Variants in GPR158 observed in about 807,000 individuals in gnomAD.
The protein encoded by GPR158 is G protein-coupled receptor 158.
Under a neutral mutation model 78.2 loss-of-function variants are expected in GPR158, and 30 were observed. That is an observed-to-expected ratio of 0.38 (90% confidence interval 0.29 to 0.52). The LOEUF (loss-of-function observed/expected upper bound fraction) is 0.52, where lower values mean the gene tolerates loss of function less well. GPR158 is among the 20% of genes least tolerant of loss of function. GPR158 has a pLI of 0.83. For missense variants in GPR158, 1,463 were observed against 1,523.5 expected, an observed-to-expected ratio of 0.96 and a Z score of 0.66; for synonymous variants, 581 against 591.1, an observed-to-expected ratio of 0.98 and a Z score of 0.25.
rs1255650902 is a variant in GPR158, at chr10:25,517,518, C to T, written c.1405-33458C>T. On this transcript the variant is annotated intron_variant, in intron 5 of 10. Transcript: ENST00000376351. The stretch of plus-strand genomic sequence containing the variant: ...ATATAGGCTGTGGGTTTGTCATAGA[C>T]AGCTCTTATTATTTTGAAATACGTC... 3.3e-3 allele frequency among the ~76,000 whole-genome samples: 494 copies of T among 151,258 alleles called. 1 individual carries two copies. The highest frequency in any genetic ancestry group is 0.011 in the African/African-American group (466 of 40,652).
At chr10:25,503,885 T>G (rs914750817) in intron 5 of GPR158, among the ~76,000 whole-genome samples, 2 of 151,074 alleles carry the variant, frequency 1.3e-5, no homozygotes, top group Non-Finnish European at 2.9e-5. Flanking sequence ...GTTTCAACTC[T>G]ATTTTCACTT....
At chr10:25,356,143 C>G (rs1314351426) in intron 2 of GPR158, among the ~76,000 whole-genome samples, 2 of 152,036 alleles carry the variant, frequency 1.3e-5, no homozygotes, top group Non-Finnish European at 2.9e-5. Context: ...GGAAAATTTT[C>G]TTGACATTTG....
intron 1 of GPR158, among the ~76,000 whole-genome samples, chr10:25,202,416 A>G (rs1852945008): frequency 1.3e-5 from 2 of 151,956 alleles, no homozygotes; most frequent in South Asian, 4.2e-4. Flanking sequence ...CCGCCACCCC[A>G]CAACAGGCCC....
chr10:25,364,460 A>G (rs1415123000), intron 2 of GPR158, among the ~76,000 whole-genome samples: 2 of 151,908 alleles, frequency 1.3e-5, no homozygotes, highest in African/African-American at 4.8e-5. Context: ...AAGTACACAC[A>G]TATGCCTTCT....
intron 2 of GPR158, among the ~76,000 whole-genome samples, chr10:25,233,353 T>G (rs1478754508): frequency 6.6e-6 from 1 of 152,104 alleles, no homozygotes; most frequent in Non-Finnish European, 1.5e-5. Context: ...GTCAGTACAG[T>G]CTTTGTTTTA....
At chr10:25,285,744 G>A (rs1359461131) in intron 2 of GPR158, among the ~76,000 whole-genome samples, 2 of 152,156 alleles carry the variant, frequency 1.3e-5, no homozygotes, top group Non-Finnish European at 2.9e-5. Context: ...CACCTCAGAA[G>A]TAATGCTTTA....
At chr10:25,194,158 C>T (rs1852813428) in intron 1 of GPR158, among the ~76,000 whole-genome samples, 1 of 152,120 alleles carries the variant, frequency 6.6e-6, no homozygotes, top group Admixed American at 6.5e-5. Context: ...CACGTTGCTG[C>T]TTTTTTATGG....
intron 2 of GPR158, among the ~76,000 whole-genome samples, chr10:25,392,493 C>T (rs1834313739): frequency 2.6e-5 from 4 of 152,214 alleles, no homozygotes; most frequent in African/African-American, 9.6e-5. Flanking sequence ...GGCAAAATGA[C>T]ACTCCAAGGA....
intron 4 of GPR158, among the ~76,000 whole-genome samples, chr10:25,462,278 T>C (rs923005977): frequency 7.2e-5 from 11 of 152,196 alleles, no homozygotes; most frequent in Non-Finnish European, 1.2e-4. Context: ...CATGATTTAC[T>C]GGATATTTTA....
intron 3 of GPR158, among the ~76,000 whole-genome samples, chr10:25,407,355 T>C (rs971031364): frequency 6.6e-6 from 1 of 152,222 alleles, no homozygotes; most frequent in Non-Finnish European, 1.5e-5. Flanking sequence ...GGCATTAATA[T>C]TGGGGGGCCC....
intron 2 of GPR158, among the ~76,000 whole-genome samples, chr10:25,351,874 T>A (rs1318752923): frequency 6.6e-6 from 1 of 151,856 alleles, no homozygotes; most frequent in African/African-American, 2.4e-5. Flanking sequence ...ATCCATTAGC[T>A]ATTCTTCCTG....
At chr10:25,288,231 T>TG (rs1440364125) in intron 2 of GPR158, among the ~76,000 whole-genome samples, 1 of 152,226 alleles carries the variant, frequency 6.6e-6, no homozygotes, top group East Asian at 1.9e-4. Context: ...ATAGTAGATT[T>TG]GGGGGTTTGA....
chr10:25,322,999 A>C (rs1475210373), intron 2 of GPR158, among the ~76,000 whole-genome samples: 2 of 152,098 alleles, frequency 1.3e-5, no homozygotes, highest in East Asian at 3.9e-4. Flanking sequence ...GATGCCCGCC[A>C]CCATGCCCGG....
intron 2 of GPR158, among the ~76,000 whole-genome samples, chr10:25,357,331 T>A (rs755033239): frequency 6.6e-6 from 1 of 152,136 alleles, no homozygotes; most frequent in Admixed American, 6.5e-5. Context: ...GAAATTTGCA[T>A]AAGTAATGAG....
intron 2 of GPR158, among the ~76,000 whole-genome samples, chr10:25,230,393 C>T (rs1176060185): frequency 6.6e-6 from 1 of 152,182 alleles, no homozygotes; most frequent in Non-Finnish European, 1.5e-5. Flanking sequence ...TATATTTCAA[C>T]TGTATTCAGA....
intron 5 of GPR158, among the ~76,000 whole-genome samples, chr10:25,525,556 A>G (rs1223050473): frequency 6.6e-6 from 1 of 152,204 alleles, no homozygotes. Flanking sequence ...AAAAAAAGCA[A>G]TCAAAAAAGA....
intron 5 of GPR158, among the ~76,000 whole-genome samples, chr10:25,496,572 A>T (rs1413722052): frequency 6.6e-6 from 1 of 152,232 alleles, no homozygotes; most frequent in African/African-American, 2.4e-5. Flanking sequence ...CTGGTAAAGG[A>T]TGCTTGGAAG....
At chr10:25,311,411 C>G (rs1347210390) in intron 2 of GPR158, among the ~76,000 whole-genome samples, 1 of 151,730 alleles carries the variant, frequency 6.6e-6, no homozygotes, top group Admixed American at 6.6e-5. Flanking sequence ...ATGAAATATT[C>G]TATTTTCTAT....
At chr10:25,423,781 T>A (rs1588856552) in intron 4 of GPR158, among the ~76,000 whole-genome samples, 1 of 152,312 alleles carries the variant, frequency 6.6e-6, no homozygotes, top group Admixed American at 6.5e-5. Context: ...ATCCAGTCTA[T>A]CATTGATGGA....
Sources: allele counts gnomAD v4.1 joint callset (sites outside exome capture counted in the v4.1 genomes callset), GRCh38; gene constraint gnomAD v4.1.1; transcripts MANE v1.5; gene names NCBI Gene and HGNC (gene_info 2026-07-23, HGNC 2026-07-21).